SLIT3: variants seen among roughly 807,000 people sequenced by gnomAD.
The protein encoded by SLIT3 is slit homolog 3 protein.
In SLIT3, 68 loss-of-function variants were observed where a neutral mutation model predicts 184.0. The observed-to-expected ratio is 0.37, with a 90% CI of 0.30 to 0.45. The LOEUF (loss-of-function observed/expected upper bound fraction) is 0.45. Ranked by LOEUF, SLIT3 falls within the 20% of genes least tolerant of loss-of-function variation. The pLI is 1.00. For synonymous variants in SLIT3, 831 were observed against 828.6 expected (o/e 1.00, Z -0.05); for missense variants, 1,707 against 2,026.0 (o/e 0.84, Z 3.02).
intron 4 of SLIT3, among the ~76,000 whole-genome samples, chr5:168,897,647 T>TACACACACAC (rs60243688): frequency 1.4e-5 from 2 of 141,414 alleles, no homozygotes; most frequent in Admixed American, 7.1e-5. Context: ...CAGGTGCACG[T>TACACACACAC]ACACACACAC....
At chr5:168,729,824 A>G (rs1247369866) in intron 20 of SLIT3, among the ~76,000 whole-genome samples, 2 of 152,164 alleles carry the variant, frequency 1.3e-5, no homozygotes, top group African/African-American at 2.4e-5. Flanking sequence ...AATTTATAAA[A>G]CAACTTGAAA....
intron 4 of SLIT3, among the ~76,000 whole-genome samples, chr5:169,006,764 A>G (rs1271517959): frequency 6.6e-6 from 1 of 152,132 alleles, no homozygotes; most frequent in Non-Finnish European, 1.5e-5. Context: ...TAAATGAGAG[A>G]CTGCTTTACC....
At chr5:169,200,483 A>G (rs1029002423) in intron 3 of SLIT3, among the ~76,000 whole-genome samples, 4 of 152,238 alleles carry the variant, frequency 2.6e-5, no homozygotes, top group Non-Finnish European at 4.4e-5. Flanking sequence ...GTCACCCCCA[A>G]TGGAGAGAGG....
chr5:169,299,404 G>C (rs1371946339), intron 1 of SLIT3, among the ~76,000 whole-genome samples: 6 of 152,146 alleles, frequency 3.9e-5, no homozygotes, highest in African/African-American at 1.4e-4. Context: ...CTTCCAGCCT[G>C]AAGTCAAGAA....
At chr5:169,159,471 A>AT (rs984115926) in intron 4 of SLIT3, among the ~76,000 whole-genome samples, 6 of 151,704 alleles carry the variant, frequency 4.0e-5, no homozygotes, top group African/African-American at 1.5e-4. Flanking sequence ...AGACTGGTAG[A>AT]TTTTTTTAAA....
chr5:169,180,224 G>A lies in SLIT3; in HGVS notation c.413+13255C>T, dbSNP rs140912014. Among the ~76,000 whole-genome samples, 836 of 152,276 alleles carry A rather than the reference G, an allele frequency of 5.5e-3. 5 individuals are homozygous for A. The highest frequency in any genetic ancestry group is 0.014 in the Middle Eastern group (4 of 294). ...CAGCATATCCCAGGCAGAAGGAACA[G>A]CAAAGCCAAGAAGAGAATTGTTGGA... is the stretch of plus-strand genomic sequence containing the variant. On this transcript the variant is annotated intron_variant, in intron 4 of 35. Transcript: ENST00000519560.
At chr5:169,044,587 T>TGGGGGGGGGGGGGGGGAGGGG (rs57256659) in intron 4 of SLIT3, among the ~76,000 whole-genome samples, 8 of 70,492 alleles carry the variant, frequency 1.1e-4, no homozygotes, top group African/African-American at 1.7e-4. Flanking sequence ...TGGAGGAAGG[T>TGGGGGGGGGGGGGGGGAGGGG]GGGGGGGGGG....
At chr5:168,931,104 CTAATTGT>C (rs1761976418) in intron 4 of SLIT3, among the ~76,000 whole-genome samples, 1 of 152,142 alleles carries the variant, frequency 6.6e-6, no homozygotes, top group Non-Finnish European at 1.5e-5. Flanking sequence ...GGGACTCTCT[CTAATTGT>C]CTTATTGGTA....
chr5:169,240,579 C>CT (rs67955225), intron 3 of SLIT3, among the ~76,000 whole-genome samples: 5,897 of 114,018 alleles, frequency 0.052, 171 homozygotes, highest in East Asian at 0.14. Context: ...CTATCATTTT[C>CT]TTTTTTTTTT....
In SLIT3 at chr5:168,780,651, G is replaced by A. The variant is rs140038779; in HGVS notation, c.1151+5256C>T. ...AGACACCAACTAGGGGAGCTATTCT[G>A]TACCCCTAATTAAGCTACAGGATAT... is the stretch of plus-strand genomic sequence containing the variant. On this transcript the variant is annotated intron_variant, in intron 12 of 35. Transcript: ENST00000519560. 3.9e-5 allele frequency among the ~76,000 whole-genome samples: 6 copies of A among 152,334 alleles called. No individual in the cohort carries two copies. In the East Asian group the frequency reaches 1.2e-3, roughly 29 times the overall value.
intron 4 of SLIT3, among the ~76,000 whole-genome samples, chr5:169,149,380 A>C (rs538134106): frequency 2.6e-4 from 38 of 147,156 alleles, no homozygotes; most frequent in Admixed American, 1.7e-3. Context: ...CTCCTTGATT[A>C]ATTCCAGCTC....
chr5:169,294,472 G>A (rs1767444050), intron 1 of SLIT3, among the ~76,000 whole-genome samples: 5 of 152,248 alleles, frequency 3.3e-5, no homozygotes, highest in Admixed American at 3.3e-4. Flanking sequence ...GAGAGAAAAG[G>A]AGGGGCCTAG....
At chr5:168,873,554 C>T (rs1759617494) in intron 5 of SLIT3, among the ~76,000 whole-genome samples, 1 of 152,016 alleles carries the variant, frequency 6.6e-6, no homozygotes, top group Admixed American at 6.6e-5. Context: ...CGCTTGAGCC[C>T]AGGAGGCAGA....
intron 8 of SLIT3, among the ~76,000 whole-genome samples, chr5:168,815,782 C>T (rs935109505): frequency 6.6e-6 from 1 of 152,122 alleles, no homozygotes; most frequent in Non-Finnish European, 1.5e-5. Context: ...CAGAAGAGGC[C>T]AGAGAGTTTG....
chr5:168,861,230 G>A (rs548498818), intron 5 of SLIT3, among the ~76,000 whole-genome samples: 154 of 152,176 alleles, frequency 1.0e-3, no homozygotes, highest in East Asian at 2.7e-3. Context: ...TACATTAGGT[G>A]TATCTCCTAA....
chr5:169,079,427 G>C (rs1032978497), intron 4 of SLIT3, among the ~76,000 whole-genome samples: 1 of 134,822 alleles, frequency 7.4e-6, no homozygotes, highest in East Asian at 2.6e-4. Flanking sequence ...CAGGCTAAGA[G>C]ACCAGGGTCA....
chr5:169,040,197 G>A (rs141784575), intron 4 of SLIT3, among the ~76,000 whole-genome samples: 57 of 152,260 alleles, frequency 3.7e-4, no homozygotes, highest in Non-Finnish European at 6.0e-4. Context: ...ATCACAGCCC[G>A]TCAGCTCTGT....
At chr5:169,242,324 T>C (rs1765430755) in intron 3 of SLIT3, among the ~76,000 whole-genome samples, 1 of 152,204 alleles carries the variant, frequency 6.6e-6, no homozygotes, top group Non-Finnish European at 1.5e-5. Flanking sequence ...TCACTTGCAA[T>C]AGAAGTCAGA....
At chr5:169,185,190 A>G (rs1237872350) in intron 4 of SLIT3, among the ~76,000 whole-genome samples, 1 of 152,224 alleles carries the variant, frequency 6.6e-6, no homozygotes, top group African/African-American at 2.4e-5. Flanking sequence ...GGAATTGATG[A>G]CATGTGCCAT....
Sources: gnomAD v4.1 joint callset for allele counts (sites outside exome capture counted in the v4.1 genomes callset) on GRCh38, gnomAD v4.1.1 for gene constraint, MANE v1.5 for transcripts, NCBI Gene and HGNC (gene_info 2026-07-23, HGNC 2026-07-21) for gene names.